Variants in POU6F2 observed in about 807,000 individuals in gnomAD.
POU6F2 encodes POU domain, class 6, transcription factor 2.
POU6F2 carries 31 observed loss-of-function variants against 71.3 expected under a neutral mutation model. The observed-to-expected ratio is 0.43, with a 90% CI of 0.33 to 0.59. POU6F2 has a LOEUF of 0.59. Ranked by LOEUF, POU6F2 falls within the 20% of genes least tolerant of loss-of-function variation. The probability of loss-of-function intolerance (pLI) is 0.04; values close to 1 mark genes in which losing one functional copy is unlikely to be tolerated. For synonymous variants in POU6F2, 347 were observed against 355.7 expected (o/e 0.98, Z 0.27); for missense variants, 783 against 856.8 (o/e 0.91, Z 1.07).
intron 1 of POU6F2, among the ~76,000 whole-genome samples, chr7:39,060,963 A>AG (rs1329436266): frequency 6.6e-6 from 1 of 152,054 alleles, no homozygotes; most frequent in East Asian, 1.9e-4. Context: ...AAAAAAAAAA[A>AG]AAACTTATTG....
intron 4 of POU6F2, among the ~76,000 whole-genome samples, chr7:39,229,571 G>A (rs961575344): frequency 9.9e-5 from 15 of 152,184 alleles, no homozygotes; most frequent in Admixed American, 3.3e-4. Flanking sequence ...TTTAGGAAAA[G>A]AGAAAAACCT....
intron 2 of POU6F2, among the ~76,000 whole-genome samples, chr7:39,169,230 T>C (rs1459359284): frequency 6.6e-6 from 1 of 152,254 alleles, no homozygotes; most frequent in East Asian, 1.9e-4. Context: ...TTTATTTTAA[T>C]GCCTGCTGAT....
intron 4 of POU6F2, among the ~76,000 whole-genome samples, chr7:39,284,362 G>C (rs961663813): frequency 2.0e-5 from 3 of 152,212 alleles, no homozygotes; most frequent in Non-Finnish European, 2.9e-5. Context: ...AGCTGTGGTA[G>C]TAGCTGTTCA....
chr7:38,993,453 G>C (rs932986394), intron 1 of POU6F2, among the ~76,000 whole-genome samples: 2 of 151,474 alleles, frequency 1.3e-5, no homozygotes, highest in African/African-American at 4.9e-5. Context: ...AGTATAAAAT[G>C]GTATCTTAAA....
At chr7:39,188,566 GC>G (rs1562739005) in intron 2 of POU6F2, among the ~76,000 whole-genome samples, 1 of 152,120 alleles carries the variant, frequency 6.6e-6, no homozygotes, top group East Asian at 1.9e-4. Flanking sequence ...ACCCACCTTG[GC>G]CCCCCAAAGT....
At chr7:39,054,414 A>G (rs1166551826) in intron 1 of POU6F2, among the ~76,000 whole-genome samples, 1 of 152,104 alleles carries the variant, frequency 6.6e-6, no homozygotes, top group African/African-American at 2.4e-5. Flanking sequence ...ACTTACTCAA[A>G]CCTCCCATAC....
intron 2 of POU6F2, among the ~76,000 whole-genome samples, chr7:39,152,199 C>T (rs1792774940): frequency 6.6e-6 from 1 of 152,084 alleles, no homozygotes; most frequent in Non-Finnish European, 1.5e-5. Flanking sequence ...AAAAACTCCT[C>T]AATAGTCAGT....
chr7:39,311,870 TAAAC>T (rs1222584364), intron 4 of POU6F2, among the ~76,000 whole-genome samples: 1 of 152,064 alleles, frequency 6.6e-6, no homozygotes, highest in Non-Finnish European at 1.5e-5. Flanking sequence ...TAAAATTAAT[TAAAC>T]AAGACCTCAA....
chr7:39,443,991 G>C (rs1026296143), intron 7 of POU6F2, among the ~76,000 whole-genome samples: 3 of 152,246 alleles, frequency 2.0e-5, no homozygotes, highest in African/African-American at 7.2e-5. Context: ...GTAAAGTATA[G>C]GACTGTCAGA....
At chr7:39,385,318 C>T (rs1786913877) in intron 5 of POU6F2, among the ~76,000 whole-genome samples, 1 of 152,190 alleles carries the variant, frequency 6.6e-6, no homozygotes, top group Non-Finnish European at 1.5e-5. Context: ...ATTCAACAAA[C>T]ACCCATTGCT....
At position 39,198,243 on chromosome 7, in the gene POU6F2, A is replaced by C. The variant is rs79791283; in HGVS notation, c.278-5992A>C. The stretch of plus-strand genomic sequence containing the variant: ...AAGAAAAAAGTCATTAAAGTCTTCT[A>C]TAGCACAGACTAAATCTACCTATAA... On this transcript the variant is annotated intron_variant, in intron 2 of 9. Transcript: ENST00000518318. Among the ~76,000 whole-genome samples, 953 of 152,368 alleles carry C rather than the reference A, an allele frequency of 6.3e-3. 44 individuals are homozygous for C. In the East Asian group the frequency reaches 0.13, roughly 20 times the overall value.
intron 2 of POU6F2, among the ~76,000 whole-genome samples, chr7:39,204,001 G>A (rs1793957609): frequency 6.6e-6 from 1 of 152,022 alleles, no homozygotes; most frequent in Non-Finnish European, 1.5e-5. Flanking sequence ...CAACACACTG[G>A]CATACTCTAT....
At chr7:39,431,281 C>T (rs1329446059) in intron 6 of POU6F2, among the ~76,000 whole-genome samples, 2 of 152,172 alleles carry the variant, frequency 1.3e-5, no homozygotes, top group East Asian at 3.9e-4. Context: ...CCATTAGTGC[C>T]ATCCCACAGG....
At chr7:39,443,828 C>T (rs2237377) in intron 7 of POU6F2, among the ~76,000 whole-genome samples, 50,273 of 151,720 alleles carry the variant, frequency 0.33, 9,189 homozygotes, top group East Asian at 0.58. Flanking sequence ...ATTTCTGTCA[C>T]ACATTAGAGA....
intron 6 of POU6F2, among the ~76,000 whole-genome samples, chr7:39,424,205 T>C (rs1044132159): frequency 6.6e-6 from 1 of 152,196 alleles, no homozygotes; most frequent in African/African-American, 2.4e-5. Context: ...AATACCATTA[T>C]ATTGGACTTG....
intron 4 of POU6F2, among the ~76,000 whole-genome samples, chr7:39,284,887 TA>T (rs1432745135): frequency 6.6e-6 from 1 of 152,200 alleles, no homozygotes; most frequent in Non-Finnish European, 1.5e-5. Flanking sequence ...TCCCTAACAA[TA>T]AAGATGGTCT....
intron 6 of POU6F2, among the ~76,000 whole-genome samples, chr7:39,427,911 T>C (rs560606105): frequency 8.9e-4 from 136 of 152,310 alleles, no homozygotes; most frequent in Non-Finnish European, 1.8e-3. Context: ...AGACTGCTGC[T>C]GATGACATGA....
chr7:39,135,045 T>C (rs1792362845), intron 2 of POU6F2, among the ~76,000 whole-genome samples: 1 of 151,984 alleles, frequency 6.6e-6, no homozygotes, highest in South Asian at 2.1e-4. Context: ...TAAAATTCAG[T>C]AACTTAGAGA....
chr7:39,379,690 A>G (rs563854283), intron 5 of POU6F2, among the ~76,000 whole-genome samples: 1 of 146,630 alleles, frequency 6.8e-6, no homozygotes, highest in African/African-American at 2.5e-5. Flanking sequence ...TTTTTCTTTT[A>G]AAAAAAAATT....
Sources: gnomAD v4.1 joint callset for allele counts (sites outside exome capture counted in the v4.1 genomes callset) on GRCh38, gnomAD v4.1.1 for gene constraint, MANE v1.5 for transcripts, NCBI Gene and HGNC (gene_info 2026-07-23, HGNC 2026-07-21) for gene names.